Variants in IGFL2 observed in about 807,000 individuals in gnomAD.
IGFL2 encodes insulin growth factor-like family member 2.
IGFL2 carries 7 observed loss-of-function variants against 13.9 expected under a neutral mutation model. The observed-to-expected ratio is 0.51, with a 90% CI of 0.29 to 0.95. The LOEUF is 0.95. Among genes scored for constraint, IGFL2 ranks in the 40% least tolerant of loss-of-function variants. The probability of loss-of-function intolerance (pLI) is 0.08; values close to 1 mark genes in which losing one functional copy is unlikely to be tolerated. For synonymous variants in IGFL2, 55 were observed against 55.8 expected, an observed-to-expected ratio of 0.99 and a Z score of 0.07; for missense variants, 138 against 147.8, an observed-to-expected ratio of 0.93 and a Z score of 0.34.
At chr19:46,083,174 T>A in the IGFL2 span, among the ~76,000 whole-genome samples, 1 of 152,240 alleles carries the variant, frequency 6.6e-6, no homozygotes, top group Admixed American at 6.5e-5. Flanking sequence ...TGCTTTAGAA[T>A]TTCTACTTCC....
chr19:46,112,593 C>G, the IGFL2 span, among the ~76,000 whole-genome samples: 36 of 152,300 alleles, frequency 2.4e-4, no homozygotes, highest in African/African-American at 7.7e-4. Flanking sequence ...AAGCTGGGAC[C>G]TTGAGGACAT....
chr19:46,106,098 AGTT>A, the IGFL2 span, among the ~76,000 whole-genome samples: 44 of 152,066 alleles, frequency 2.9e-4, no homozygotes, highest in Non-Finnish European at 2.9e-4. Context: ...GAAGGAAAGG[AGTT>A]GTTGTTTGTA....
the IGFL2 span, among the ~76,000 whole-genome samples, chr19:46,116,965 A>T: frequency 6.6e-6 from 1 of 152,234 alleles, no homozygotes; most frequent in South Asian, 2.1e-4. Context: ...ATATTAAATT[A>T]GGCAATTATA....
upstream of IGFL2, among the ~76,000 whole-genome samples, chr19:46,141,647 T>C (rs1972864285): frequency 6.6e-6 from 1 of 152,146 alleles, no homozygotes. Flanking sequence ...ATGACTCACC[T>C]ACCAGCACCT....
the IGFL2 span, among the ~76,000 whole-genome samples, chr19:46,117,280 T>A: frequency 6.6e-6 from 1 of 152,202 alleles, no homozygotes; most frequent in Non-Finnish European, 1.5e-5. Flanking sequence ...GTATGAGGTG[T>A]CACTATGTTG....
At position 46,160,870 on chromosome 19, in the gene IGFL2, T is replaced by C. The variant is rs1210927329; in HGVS notation, c.330T>C (p.Ser110=). ...NSQCHSSPIS[S]KCESRRRFP ...AGTGCCACTCATCTCCCATCTCCAG[T>C]AAATGTGAAAGGTAGGGACCCCGTC... The change falls in exon 3 of 4, where the codon AGT becomes AGC. Residue 110 remains serine, a synonymous_variant. Transcript: ENST00000377693. 3 of 1,613,680 alleles carry C rather than the reference T, an allele frequency of 1.9e-6. No individual in the cohort carries two copies. The highest frequency in any genetic ancestry group is 1.7e-4 in the Middle Eastern group (1 of 6,060).
Position 46,160,748 on chromosome 19 carries a change from T to G in IGFL2, c.208T>G (p.Cys70Gly), listed in dbSNP as rs745461926. 8.1e-6 allele frequency: 13 copies of G among 1,614,094 alleles called. No homozygotes were observed. The highest frequency in any genetic ancestry group is 1.0e-5 in the Non-Finnish European group (12 of 1,180,004). The change falls in exon 3 of 4, where the codon TGC (cysteine) becomes GGC (glycine). Residue 70 changes from cysteine (C) to glycine (G), a missense_variant. Cys to Gly is a radical substitution (Grantham distance 159). Coordinates refer to ENST00000377693, the MANE Select transcript of IGFL2 (RefSeq NM_001135113.2). ...CGAGACCCGCCAATGTGGTCCCCCC[T>G]GCACCTTCTGGCCCTGCTTTGAGCT... The part of the protein sequence containing the change: ...LSETRQCGPP[C>G]TFWPCFELCC...
the IGFL2 span, chr19:46,120,244 C>T: frequency 6.3e-7 from 1 of 1,586,916 alleles, no homozygotes; most frequent in Non-Finnish European, 8.6e-7. Context: ...AGTTGCTTCT[C>T]TCCGAAGTTC....
At chr19:46,189,788 CTAA>C in the IGFL2 span, 2 of 151,924 alleles carry the variant, frequency 1.3e-5, no homozygotes. Flanking sequence ...TTGCTACAGA[CTAA>C]TGATTAGTAA....
the IGFL2 span, chr19:46,124,698 G>A: frequency 6.5e-7 from 1 of 1,533,170 alleles, no homozygotes; most frequent in Non-Finnish European, 9.0e-7. Flanking sequence ...TAAAAGGCTG[G>A]AACTTATGGA....
the IGFL2 span, chr19:46,124,599 A>G: frequency 6.3e-7 from 1 of 1,592,992 alleles, no homozygotes; most frequent in South Asian, 1.1e-5. Flanking sequence ...AGATGAGATG[A>G]TGTTTGGATT....
the IGFL2 span, among the ~76,000 whole-genome samples, chr19:46,185,732 ATTG>A: frequency 2.0e-5 from 3 of 152,278 alleles, no homozygotes; most frequent in African/African-American, 4.8e-5. Context: ...TTTTATTATT[ATTG>A]TTGTTATTAT....
chr19:46,109,810 T>A, the IGFL2 span, among the ~76,000 whole-genome samples: 1 of 152,016 alleles, frequency 6.6e-6, no homozygotes, highest in African/African-American at 2.4e-5. Context: ...ATTGATCAGT[T>A]AGGGTGGGGC....
the IGFL2 span, among the ~76,000 whole-genome samples, chr19:46,127,953 A>G: frequency 6.6e-3 from 1,011 of 152,214 alleles, 5 homozygotes; most frequent in African/African-American, 0.013. Context: ...CTTCCTATCC[A>G]TGAGCATGGA....
the IGFL2 span, among the ~76,000 whole-genome samples, chr19:46,196,428 C>T: frequency 3.7e-4 from 57 of 152,282 alleles, no homozygotes; most frequent in East Asian, 7.5e-3. Context: ...CCTGGGTCAG[C>T]CCCATCCACA....
chr19:46,130,112 TA>T, the IGFL2 span, among the ~76,000 whole-genome samples: 3 of 152,206 alleles, frequency 2.0e-5, no homozygotes, highest in African/African-American at 7.2e-5. Context: ...TACTATTACA[TA>T]ATACCCTTCT....
In IGFL2 at chr19:46,161,277, T is replaced by C. The variant is rs895003103; in HGVS notation, c.*189T>C. The C allele has an allele frequency of 5.0e-5, 29 of 584,036 alleles. No homozygotes were observed. The highest frequency in any genetic ancestry group is 4.3e-4 in the African/African-American group (23 of 53,704). 36.2% of individuals were successfully genotyped at this position (584,036 alleles called of 1,614,324 possible). A position where few individuals can be genotyped will look rare whatever the true frequency, so the allele number is the denominator to read the frequency against. ...GATTATCAGGAAATAAATAAAGTGG[T>C]TTTTCCAATGTACACACCTGTACCC... On this transcript the variant is annotated 3_prime_UTR_variant, in exon 4 of 4. Coordinates refer to ENST00000377693, the MANE Select transcript of IGFL2 (RefSeq NM_001135113.2).
chr19:46,169,773 G>A, the IGFL2 span, among the ~76,000 whole-genome samples: 486 of 149,280 alleles, frequency 3.3e-3, 1 homozygote, highest in African/African-American at 0.011. Flanking sequence ...GCTTGAACCC[G>A]GGAGTCAGAG....
chr19:46,177,572 A>G, the IGFL2 span, among the ~76,000 whole-genome samples: 5 of 152,090 alleles, frequency 3.3e-5, no homozygotes. Flanking sequence ...AGAATGAGAA[A>G]ACTCTTGGGG....
Sources: gnomAD v4.1 joint callset for allele counts (sites outside exome capture counted in the v4.1 genomes callset) on GRCh38, gnomAD v4.1.1 for gene constraint, MANE v1.5 for transcripts, NCBI Gene and HGNC (gene_info 2026-07-23, HGNC 2026-07-21) for gene names.